Variants in GALNT13 observed in about 807,000 individuals in gnomAD.
GALNT13 encodes the protein polypeptide N-acetylgalactosaminyltransferase 13, also known as UDP-GalNAc:polypeptide N-acetylgalactosaminyltransferase 13.
In GALNT13, 28 loss-of-function variants were observed where a neutral mutation model predicts 64.2. That is an observed-to-expected ratio of 0.44 (90% CI 0.32 to 0.60). The LOEUF is 0.60. Ranked by LOEUF, GALNT13 falls within the 20% of genes least tolerant of loss-of-function variation. The pLI is 0.05. For synonymous variants in GALNT13, 214 were observed against 224.6 expected, an observed-to-expected ratio of 0.95 and a Z score of 0.42; for missense variants, 577 against 669.8, an observed-to-expected ratio of 0.86 and a Z score of 1.53.
At chr2:154,128,552 TGTGA>T (rs1413466691) in intron 3 of GALNT13, among the ~76,000 whole-genome samples, 1 of 152,104 alleles carries the variant, frequency 6.6e-6, no homozygotes, top group Non-Finnish European at 1.5e-5. Context: ...TTATAATGAT[TGTGA>T]GTAAATACAA....
chr2:153,309,842 A>G, the GALNT13 span, among the ~76,000 whole-genome samples: 1 of 152,132 alleles, frequency 6.6e-6, no homozygotes, highest in African/African-American at 2.4e-5. Flanking sequence ...CAGTTCTGTG[A>G]CTCAACACTT....
the GALNT13 span, among the ~76,000 whole-genome samples, chr2:153,620,234 G>A: frequency 2.6e-5 from 4 of 151,762 alleles, no homozygotes; most frequent in African/African-American, 9.7e-5. Flanking sequence ...AGTGATTCTT[G>A]TGCTTCAGCC....
intron 9 of GALNT13, among the ~76,000 whole-genome samples, chr2:154,356,024 T>C (rs1696728600): frequency 6.6e-6 from 1 of 152,006 alleles, no homozygotes; most frequent in Non-Finnish European, 1.5e-5. Context: ...AACACCTCGA[T>C]TTGATTTAAT....
chr2:153,755,104 C>G, the GALNT13 span, among the ~76,000 whole-genome samples: 1 of 152,174 alleles, frequency 6.6e-6, no homozygotes, highest in Non-Finnish European at 1.5e-5. Flanking sequence ...ACTGTTTTCT[C>G]TACCTCTTCA....
the GALNT13 span, among the ~76,000 whole-genome samples, chr2:153,728,694 A>G: frequency 5.3e-5 from 8 of 152,294 alleles, no homozygotes; most frequent in African/African-American, 9.6e-5. Context: ...CAAAAAATCA[A>G]TGAATCCAGG....
chr2:153,722,736 C>G, the GALNT13 span, among the ~76,000 whole-genome samples: 2 of 152,198 alleles, frequency 1.3e-5, no homozygotes, highest in Non-Finnish European at 1.5e-5. Context: ...CACATACACT[C>G]TCCCAAGACT....
chr2:153,236,410 G>A, the GALNT13 span, among the ~76,000 whole-genome samples: 3 of 152,096 alleles, frequency 2.0e-5, no homozygotes, highest in Non-Finnish European at 4.4e-5. Context: ...GAGAAGAGAA[G>A]TCAGAGACTG....
At chr2:153,593,379 G>A in the GALNT13 span, 1 of 152,208 alleles carries the variant, frequency 6.6e-6, no homozygotes, top group Non-Finnish European at 1.5e-5. Flanking sequence ...CACAACTCCA[G>A]TGAGCTGGGA....
At chr2:153,837,765 CT>C in the GALNT13 span, among the ~76,000 whole-genome samples, 1 of 152,012 alleles carries the variant, frequency 6.6e-6, no homozygotes. Context: ...ACTAATTTTA[CT>C]TTCTTTGCAT....
the GALNT13 span, among the ~76,000 whole-genome samples, chr2:153,741,871 A>G: frequency 6.6e-6 from 1 of 152,130 alleles, no homozygotes; most frequent in Admixed American, 6.6e-5. Flanking sequence ...TCATAGTTGT[A>G]TAGATTTCAA....
intron 9 of GALNT13, among the ~76,000 whole-genome samples, chr2:154,304,489 T>C (rs1320408308): frequency 6.6e-6 from 1 of 152,196 alleles, no homozygotes; most frequent in Non-Finnish European, 1.5e-5. Context: ...CATTCAGGAA[T>C]ATGAGTAATT....
chr2:154,283,577 C>CAA (rs5741595), intron 8 of GALNT13, among the ~76,000 whole-genome samples: 3 of 131,156 alleles, frequency 2.3e-5, no homozygotes, highest in African/African-American at 5.7e-5. Context: ...GACTCCGTCT[C>CAA]AAAAAAAAAA....
At chr2:154,203,609 A>C (rs1310087468) in intron 4 of GALNT13, among the ~76,000 whole-genome samples, 1 of 152,126 alleles carries the variant, frequency 6.6e-6, no homozygotes, top group Admixed American at 6.6e-5. Flanking sequence ...GGAACCCCCA[A>C]TTCATCCATT....
intron 3 of GALNT13, among the ~76,000 whole-genome samples, chr2:154,029,249 A>C (rs528313421): frequency 6.6e-6 from 1 of 151,686 alleles, no homozygotes; most frequent in South Asian, 2.1e-4. Context: ...ATACAGGCAT[A>C]GCATAAGAAG....
At chr2:153,601,498 T>G in the GALNT13 span, among the ~76,000 whole-genome samples, 6 of 151,718 alleles carry the variant, frequency 4.0e-5, no homozygotes, top group African/African-American at 1.5e-4. Context: ...TCTTACAAAT[T>G]TCACCATTTT....
the GALNT13 span, among the ~76,000 whole-genome samples, chr2:153,504,186 G>T: frequency 3.3e-5 from 5 of 152,094 alleles, no homozygotes; most frequent in African/African-American, 1.2e-4. Context: ...TCTCAGCTTG[G>T]TTGCTGTTGG....
At chr2:153,504,311 C>G in the GALNT13 span, among the ~76,000 whole-genome samples, 1 of 152,154 alleles carries the variant, frequency 6.6e-6, no homozygotes, top group Admixed American at 6.6e-5. Context: ...TCTAGGTATA[C>G]AATCATATAA....
chr2:153,418,777 G>C, the GALNT13 span, among the ~76,000 whole-genome samples: 1 of 152,224 alleles, frequency 6.6e-6, no homozygotes, highest in African/African-American at 2.4e-5. Flanking sequence ...AGGATGGCTT[G>C]ACCCCGGGAG....
At chr2:154,016,412 T>C (rs1697006976) in intron 3 of GALNT13, among the ~76,000 whole-genome samples, 1 of 152,048 alleles carries the variant, frequency 6.6e-6, no homozygotes, top group South Asian at 2.1e-4. Context: ...TGTACTAGAT[T>C]GTGTTTTGTT....
Sources: allele counts gnomAD v4.1 joint callset (sites outside exome capture counted in the v4.1 genomes callset), GRCh38; gene constraint gnomAD v4.1.1; transcripts MANE v1.5; gene names NCBI Gene and HGNC (gene_info 2026-07-23, HGNC 2026-07-21).